CDK19: variants seen among roughly 807,000 people sequenced by gnomAD.
The protein encoded by CDK19 is cyclin dependent kinase 19, also known as cyclin-dependent kinase 19.
Under a neutral mutation model 68.3 loss-of-function variants are expected in CDK19, and 20 were observed. The ratio of observed to expected loss-of-function variants is 0.29; its 90% confidence interval spans 0.21 to 0.43. The LOEUF (loss-of-function observed/expected upper bound fraction) is 0.43, where lower values mean the gene tolerates loss of function less well. CDK19 is among the 20% of genes least tolerant of loss of function. The probability of loss-of-function intolerance (pLI) is 1.00; values close to 1 mark genes in which losing one functional copy is unlikely to be tolerated. For synonymous variants in CDK19, 221 were observed against 222.8 expected, an observed-to-expected ratio of 0.99 and a Z score of 0.07; for missense variants, 339 against 623.5, an observed-to-expected ratio of 0.54 and a Z score of 4.86.
At chr6:110,721,612 A>C (rs1356548699) in intron 2 of CDK19, among the ~76,000 whole-genome samples, 4 of 152,146 alleles carry the variant, frequency 2.6e-5, no homozygotes, top group Non-Finnish European at 4.4e-5. Flanking sequence ...TGCTTCCATT[A>C]ATAAAACCCT....
chr6:110,786,035 CT>C (rs1188161336), intron 1 of CDK19, among the ~76,000 whole-genome samples: 1 of 151,840 alleles, frequency 6.6e-6, no homozygotes, highest in African/African-American at 2.4e-5. Flanking sequence ...TTCTGCCTGA[CT>C]TTTTTGCTTT....
rs547430420 is a variant in CDK19 at position 110,786,598 on chromosome 6, C to T, written c.128+28411G>A. ...GTAGACAATCCTTTCCATAGGGTAC[C>T]GCGTGTAATGAGCCTTAAAGGTCTT... On this transcript the variant is annotated intron_variant, in intron 1 of 12. Transcript: ENST00000368911. Among the ~76,000 whole-genome samples, 8 of 151,966 alleles carry T rather than the reference C, an allele frequency of 5.3e-5. No homozygotes were observed. In the South Asian group the frequency reaches 1.7e-3, roughly 32 times the overall value.
intron 1 of CDK19, among the ~76,000 whole-genome samples, chr6:110,801,343 G>A (rs1041223036): frequency 2.0e-5 from 3 of 152,056 alleles, no homozygotes; most frequent in African/African-American, 7.2e-5. Context: ...AAAGTAGCCA[G>A]GCTTAATGGT....
At chr6:110,658,779 C>A (rs1284082495) in intron 4 of CDK19, among the ~76,000 whole-genome samples, 2 of 151,912 alleles carry the variant, frequency 1.3e-5, no homozygotes, top group African/African-American at 4.8e-5. Context: ...GCTGAAGGGG[C>A]TAGGAAGAGT....
Position 110,752,423 on chromosome 6 carries a change from G to A in CDK19, c.129-6222C>T, listed in dbSNP as rs1354873014. On this transcript the variant is annotated intron_variant, in intron 1 of 12. Coordinates refer to ENST00000368911, the MANE Select transcript of CDK19 (RefSeq NM_015076.5). ...TTTCTAGTTTGAATAGTCTTTTAAA[G>A]TAATTCTGAAACATTTAAAATCTTC... 4.6e-5 allele frequency among the ~76,000 whole-genome samples: 7 copies of A among 152,196 alleles called. No homozygotes were observed. In the East Asian group the frequency reaches 9.6e-4, roughly 21 times the overall value.
intron 12 of CDK19, among the ~76,000 whole-genome samples, chr6:110,618,197 G>A (rs570673988): frequency 3.3e-5 from 5 of 152,152 alleles, no homozygotes; most frequent in Admixed American, 6.5e-5. Flanking sequence ...GCAGTGGCGC[G>A]ATCTCGGCTC....
chr6:110,710,011 T>C (rs1331461397), intron 2 of CDK19, among the ~76,000 whole-genome samples: 1 of 152,232 alleles, frequency 6.6e-6, no homozygotes, highest in Admixed American at 6.5e-5. Context: ...CAATTATAAT[T>C]TCATACTCAA....
intron 2 of CDK19, among the ~76,000 whole-genome samples, chr6:110,711,894 G>C (rs1035752476): frequency 6.6e-6 from 1 of 152,258 alleles, no homozygotes; most frequent in Non-Finnish European, 1.5e-5. Context: ...CCTGAACCCA[G>C]GCTGGGGGGC....
At chr6:110,747,755 A>G (rs957291542) in intron 1 of CDK19, among the ~76,000 whole-genome samples, 1 of 152,206 alleles carries the variant, frequency 6.6e-6, no homozygotes, top group African/African-American at 2.4e-5. Flanking sequence ...AAAAATAAGG[A>G]AAGTTTAAAT....
intron 2 of CDK19, among the ~76,000 whole-genome samples, chr6:110,696,550 G>A (rs1773502038): frequency 6.6e-6 from 1 of 152,132 alleles, no homozygotes; most frequent in Non-Finnish European, 1.5e-5. Flanking sequence ...TAAAAAGGAG[G>A]TCAAAGTGTC....
chr6:110,716,210 G>A (rs1486597575), intron 2 of CDK19, among the ~76,000 whole-genome samples: 3 of 151,912 alleles, frequency 2.0e-5, no homozygotes, highest in African/African-American at 7.3e-5. Flanking sequence ...AAAAATGAAG[G>A]ATGCTCAAGT....
chr6:110,808,791 A>C (rs1483721779), intron 1 of CDK19, among the ~76,000 whole-genome samples: 2 of 152,226 alleles, frequency 1.3e-5, no homozygotes, highest in African/African-American at 4.8e-5. Context: ...ATCTCTATAA[A>C]ATAGCTAGTA....
At chr6:110,638,034 T>A (rs749446237) in intron 5 of CDK19, among the ~76,000 whole-genome samples, 2 of 152,086 alleles carry the variant, frequency 1.3e-5, no homozygotes, top group East Asian at 3.9e-4. Flanking sequence ...TCCCCAAATA[T>A]GTAATAGGTA....
intron 2 of CDK19, among the ~76,000 whole-genome samples, chr6:110,745,833 T>C (rs1778038100): frequency 6.6e-6 from 1 of 152,066 alleles, no homozygotes; most frequent in African/African-American, 2.4e-5. Flanking sequence ...CCAGGTGTGG[T>C]GGCACATGCC....
chr6:110,652,152 GAAAACCAAGAAAGTA>G (rs1781014321), intron 4 of CDK19, among the ~76,000 whole-genome samples: 1 of 151,814 alleles, frequency 6.6e-6, no homozygotes. Flanking sequence ...TCAAAGGTAA[GAAAACCAAGAAAGTA>G]AAAAATAAAT....
intron 2 of CDK19, among the ~76,000 whole-genome samples, chr6:110,674,800 G>A (rs1353900213): frequency 6.6e-6 from 1 of 151,902 alleles, no homozygotes; most frequent in Non-Finnish European, 1.5e-5. Flanking sequence ...TACTCGAGAG[G>A]CTGAGGCAGG....
At chr6:110,807,588 T>C (rs918243697) in intron 1 of CDK19, among the ~76,000 whole-genome samples, 3 of 152,014 alleles carry the variant, frequency 2.0e-5, no homozygotes, top group African/African-American at 4.8e-5. Context: ...GCCTCCCGAG[T>C]AGCTGGGATT....
intron 1 of CDK19, among the ~76,000 whole-genome samples, chr6:110,775,540 T>C (rs1583072902): frequency 6.6e-6 from 1 of 152,132 alleles, no homozygotes; most frequent in Non-Finnish European, 1.5e-5. Context: ...TCTACCTTGT[T>C]CCAATATCAA....
chr6:110,637,771 G>C (rs369547118), intron 5 of CDK19, among the ~76,000 whole-genome samples: 7 of 152,302 alleles, frequency 4.6e-5, no homozygotes, highest in African/African-American at 1.7e-4. Context: ...CCTGAGGTCA[G>C]GAGTTCGAGA....
Sources: allele counts gnomAD v4.1 joint callset (sites outside exome capture counted in the v4.1 genomes callset), GRCh38; gene constraint gnomAD v4.1.1; transcripts MANE v1.5; gene names NCBI Gene and HGNC (gene_info 2026-07-23, HGNC 2026-07-21).